SLAIN1: variants seen among roughly 807,000 people sequenced by gnomAD.
The protein encoded by SLAIN1 is SLAIN family member 1.
A neutral mutation model predicts 55.4 loss-of-function variants in SLAIN1; 17 were observed. That is an observed-to-expected ratio of 0.31 (90% confidence interval 0.21 to 0.46). The LOEUF (loss-of-function observed/expected upper bound fraction) is 0.46, where lower values mean the gene tolerates loss of function less well. Among genes scored for constraint, SLAIN1 ranks in the 20% least tolerant of loss-of-function variants. The pLI is 1.00. For synonymous variants in SLAIN1, 348 were observed against 337.4 expected (o/e 1.03, Z -0.35); for missense variants, 682 against 785.1 (o/e 0.87, Z 1.57).
At chr13:77,760,531 C>G (rs76121147) in intron 5 of SLAIN1, among the ~76,000 whole-genome samples, 19 of 152,268 alleles carry the variant, frequency 1.2e-4, no homozygotes, top group African/African-American at 3.6e-4. Flanking sequence ...ACGGGGAAGA[C>G]TTTCTCTTGT....
chr13:77,733,036 A>G (rs962534744), intron 2 of SLAIN1, among the ~76,000 whole-genome samples: 1 of 152,172 alleles, frequency 6.6e-6, no homozygotes, highest in Non-Finnish European at 1.5e-5. Flanking sequence ...TGCCTTATCC[A>G]TTAAGATTAT....
In SLAIN1 at chr13:77,698,653, C is replaced by T. The variant is rs953587355; in HGVS notation, c.626+114C>T. Reference sequence around the variant, plus strand: ...CCTCGCGGCAGCCGGGGTGACTCCCCGCGGCTCCCGGAGGGGCCGACCCAG... The same window carrying T: ...CCTCGCGGCAGCCGGGGTGACTCCCTGCGGCTCCCGGAGGGGCCGACCCAG... On this transcript the variant is annotated intron_variant, in intron 1 of 6. Transcript: ENST00000418532. The surrounding 1 kb of genome is among the most constrained non-coding windows in gnomAD (Gnocchi z 4.1). The T allele has an allele frequency of 1.1e-5, 14 of 1,296,348 alleles. No individual in the cohort carries two copies. Among genetic ancestry groups the T allele is most frequent in the Admixed American group, 3.8e-5 (1 of 26,258 alleles). The allele number at this position is 1,296,348 out of a possible 1,614,324, so 80.3% of individuals were successfully genotyped here.
At chr13:77,752,560 TCA>T (rs1394713443) in intron 4 of SLAIN1, among the ~76,000 whole-genome samples, 17 of 152,084 alleles carry the variant, frequency 1.1e-4, no homozygotes. Flanking sequence ...GAGTATTGAC[TCA>T]CACGATCACA....
At chr13:77,756,704 A>T (rs1874633332) in intron 5 of SLAIN1, among the ~76,000 whole-genome samples, 2 of 152,172 alleles carry the variant, frequency 1.3e-5, no homozygotes, top group South Asian at 4.1e-4. Context: ...AATCACATTT[A>T]TACAATGGAA....
chr13:77,701,703 T>TA (rs2091032435), intron 1 of SLAIN1, among the ~76,000 whole-genome samples: 1 of 152,184 alleles, frequency 6.6e-6, no homozygotes. Context: ...CTCAGAAAGT[T>TA]AAAGTTGATG....
Position 77,698,702 on chromosome 13 carries a change from A to G in SLAIN1, c.626+163A>G, listed in dbSNP as rs956672792. Reference sequence around the variant, plus strand: ...AGCAGGTGTTGAGCCAGGCGGTGACACTTCCCACGATGAGGCTTCTCATGA... The same window carrying G: ...AGCAGGTGTTGAGCCAGGCGGTGACGCTTCCCACGATGAGGCTTCTCATGA... On this transcript the variant is annotated intron_variant, in intron 1 of 6. Coordinates refer to ENST00000418532, the MANE Select transcript of SLAIN1 (RefSeq NM_001242868.2). The surrounding 1 kb of genome is among the most constrained non-coding windows in gnomAD (Gnocchi z 4.1). 2.6e-5 allele frequency among the ~76,000 whole-genome samples: 4 copies of G among 152,092 alleles called. No homozygotes were observed. The highest frequency in any genetic ancestry group is 2.6e-4 in the Admixed American group (4 of 15,278).
intron 2 of SLAIN1, among the ~76,000 whole-genome samples, chr13:77,733,618 T>C (rs1400453728): frequency 6.6e-6 from 1 of 152,198 alleles, no homozygotes; most frequent in Admixed American, 6.5e-5. Flanking sequence ...TAACTTACTT[T>C]GATTGAATCG....
chr13:77,753,469 C>G (rs1874385865), intron 5 of SLAIN1, 111 bp downstream of exon 5: 1 of 596,598 alleles, frequency 1.7e-6, no homozygotes, highest in Non-Finnish European at 2.3e-6. Flanking sequence ...CTTGAAAGAA[C>G]ACTAAACTTT....
At chr13:77,725,210 C>T (rs2091296719) in intron 2 of SLAIN1, among the ~76,000 whole-genome samples, 1 of 152,194 alleles carries the variant, frequency 6.6e-6, no homozygotes, top group Admixed American at 6.5e-5. Context: ...GTTGAAGTAT[C>T]AGCTTGCAGT....
intron 1 of SLAIN1, among the ~76,000 whole-genome samples, chr13:77,719,303 G>A (rs1400789155): frequency 2.0e-5 from 3 of 150,848 alleles, no homozygotes; most frequent in Non-Finnish European, 4.4e-5. Context: ...GAAACACACA[G>A]TTAGGGGGAA....
In SLAIN1 at chr13:77,698,820, T is replaced by C; in HGVS notation, c.626+281T>C. ...ATGGGTTCTGCTATTTGCTGATTGT[T>C]GGGTCCCAAGCTCCTCGTTAGCATT... On this transcript the variant is annotated intron_variant, in intron 1 of 6. Coordinates refer to ENST00000418532, the MANE Select transcript of SLAIN1 (RefSeq NM_001242868.2). This position sits in a 1 kb window ranked among gnomAD's most constrained non-coding sequence, Gnocchi z 4.1. 6.9e-7 allele frequency: 1 copy of C among 1,439,896 alleles called. No homozygotes were observed. The highest frequency in any genetic ancestry group is 1.4e-5 in the South Asian group (1 of 71,306). 89.2% of individuals were successfully genotyped at this position (1,439,896 alleles called of 1,614,324 possible). A position where few individuals can be genotyped will look rare whatever the true frequency, so the allele number is the denominator to read the frequency against.
intron 1 of SLAIN1, among the ~76,000 whole-genome samples, chr13:77,707,564 C>T (rs541257060): frequency 2.2e-3 from 336 of 152,130 alleles, no homozygotes; most frequent in Non-Finnish European, 3.5e-3. Context: ...GTGCCGAAGC[C>T]GATCTAAAGC....
intron 6 of SLAIN1, 105 bp from the exon 7 acceptor site, chr13:77,763,040 A>T (rs1594304241): frequency 4.4e-6 from 4 of 915,314 alleles, no homozygotes; most frequent in African/African-American, 1.6e-5. Flanking sequence ...GTGGCTTCTC[A>T]TTACTGCAGT....
In SLAIN1 at chr13:77,722,107, T is replaced by C. The variant is rs911574129; in HGVS notation, c.766+2436T>C. 6.6e-5 allele frequency among the ~76,000 whole-genome samples: 10 copies of C among 151,810 alleles called. 1 individual carries two copies. The highest frequency in any genetic ancestry group is 2.4e-4 in the African/African-American group (10 of 41,304). On this transcript the variant is annotated intron_variant, in intron 2 of 6. Transcript: ENST00000418532. ...TCATTGATGTGGAGCTCAGGCAGAATCGTGAGGTCATGAGGATAGGAACTG... is the reference window on the plus strand; with the variant it reads ...TCATTGATGTGGAGCTCAGGCAGAACCGTGAGGTCATGAGGATAGGAACTG...
chr13:77,760,813 C>A lies in SLAIN1; in HGVS notation c.1415-15C>A. 6.2e-7 allele frequency: 1 copy of A among 1,610,036 alleles called. No individual in the cohort carries two copies. The highest frequency in any genetic ancestry group is 8.5e-7 in the Non-Finnish European group (1 of 1,177,636). On this transcript the variant is annotated splice_polypyrimidine_tract_variant and intron_variant, in intron 5 of 6. Coordinates refer to ENST00000418532, the MANE Select transcript of SLAIN1 (RefSeq NM_001242868.2). ...GGTAGAAGGTTGCTCACATGAATAT[C>A]ATTTTCTCTTCTAGTTCCATCACCG...
intron 2 of SLAIN1, among the ~76,000 whole-genome samples, chr13:77,725,094 TTAC>T (rs2091295767): frequency 6.6e-6 from 1 of 152,186 alleles, no homozygotes; most frequent in Non-Finnish European, 1.5e-5. Context: ...AATGTAACTA[TTAC>T]TACTGTTTCA....
intron 2 of SLAIN1, among the ~76,000 whole-genome samples, chr13:77,722,765 T>C (rs1031108376): frequency 1.3e-5 from 2 of 152,172 alleles, no homozygotes; most frequent in Non-Finnish European, 2.9e-5. Flanking sequence ...TTTTTGTTTT[T>C]GAGACAGATT....
At chr13:77,724,935 T>C (rs2091294325) in intron 2 of SLAIN1, among the ~76,000 whole-genome samples, 1 of 152,206 alleles carries the variant, frequency 6.6e-6, no homozygotes, top group Non-Finnish European at 1.5e-5. Context: ...GTGTTTTCTT[T>C]GAGACTAGAG....
At chr13:77,727,753 A>G (rs187428448) in intron 2 of SLAIN1, among the ~76,000 whole-genome samples, 2 of 152,266 alleles carry the variant, frequency 1.3e-5, no homozygotes, top group East Asian at 3.9e-4. Context: ...CCTTATTTCT[A>G]GGGCCTTGCC....
Sources: allele counts gnomAD v4.1 joint callset (sites outside exome capture counted in the v4.1 genomes callset), GRCh38; gene constraint gnomAD v4.1.1; non-coding constraint Gnocchi (gnomAD v3.1); transcripts MANE v1.5; gene names NCBI Gene and HGNC (gene_info 2026-07-23, HGNC 2026-07-21).